The following SORCS1 variants were observed in gnomAD, a reference collection of about 807,000 sequenced individuals.
SORCS1 encodes the protein sortilin related VPS10 domain containing receptor 1.
A neutral mutation model predicts 146.1 loss-of-function variants in SORCS1; 60 were observed. The observed-to-expected ratio is 0.41, with a 90% CI of 0.33 to 0.51. The LOEUF (loss-of-function observed/expected upper bound fraction) is 0.51, where lower values mean the gene tolerates loss of function less well. Among genes scored for constraint, SORCS1 ranks in the 20% least tolerant of loss-of-function variants. The probability of loss-of-function intolerance (pLI) is 0.21; values close to 1 mark genes in which losing one functional copy is unlikely to be tolerated. For synonymous variants in SORCS1, 637 were observed against 584.0 expected, an observed-to-expected ratio of 1.09 and a Z score of -1.31; for missense variants, 1,352 against 1,487.6, an observed-to-expected ratio of 0.91 and a Z score of 1.50.
intron 1 of SORCS1, among the ~76,000 whole-genome samples, chr10:107,103,185 C>T (rs542047441): frequency 6.6e-6 from 1 of 152,278 alleles, no homozygotes; most frequent in Admixed American, 6.5e-5. Context: ...TTTATTTAAA[C>T]TTATCACAAG....
intron 1 of SORCS1, among the ~76,000 whole-genome samples, chr10:107,072,437 A>G (rs1780919766): frequency 6.6e-6 from 1 of 152,190 alleles, no homozygotes; most frequent in Non-Finnish European, 1.5e-5. Context: ...TAACCCCGCC[A>G]CCTGCACTGA....
rs140041208 is a variant in SORCS1 at position 107,059,242 on chromosome 10, T to C, written c.559-102662A>G. Among the ~76,000 whole-genome samples, 663 of 152,232 alleles carry C rather than the reference T, an allele frequency of 4.4e-3. 4 individuals carry two copies. The highest frequency in any genetic ancestry group is 0.015 in the African/African-American group (615 of 41,534). Reference sequence around the variant, plus strand: ...AACAAGGGACTTCACTCCACAGAACTAGAATGAGGCCAAAAGCAAATCCCA... The same window carrying C: ...AACAAGGGACTTCACTCCACAGAACCAGAATGAGGCCAAAAGCAAATCCCA... On this transcript the variant is annotated intron_variant, in intron 1 of 25. Transcript: ENST00000263054.
chr10:107,126,856 C>T (rs1474427385), intron 1 of SORCS1, among the ~76,000 whole-genome samples: 1 of 151,998 alleles, frequency 6.6e-6, no homozygotes, highest in East Asian at 1.9e-4. Flanking sequence ...GACAGAAAAA[C>T]GAGCCTAAAA....
intron 1 of SORCS1, among the ~76,000 whole-genome samples, chr10:107,149,009 G>A (rs778649458): frequency 6.6e-6 from 1 of 152,140 alleles, no homozygotes; most frequent in Non-Finnish European, 1.5e-5. Context: ...AAACCAGATC[G>A]GGACCTTGTA....
chr10:106,901,465 C>CT (rs1369475559), intron 2 of SORCS1, among the ~76,000 whole-genome samples: 2 of 152,146 alleles, frequency 1.3e-5, no homozygotes, highest in African/African-American at 4.8e-5. Context: ...CAGTGTCTCA[C>CT]TTTGTCACCC....
intron 3 of SORCS1, among the ~76,000 whole-genome samples, chr10:106,804,646 A>C (rs1947075541): frequency 1.3e-5 from 2 of 152,184 alleles, no homozygotes; most frequent in Admixed American, 1.3e-4. Context: ...ATGTAATCTA[A>C]TTTTGAAATA....
At chr10:107,124,086 CA>C (rs58402182) in intron 1 of SORCS1, among the ~76,000 whole-genome samples, 4,135 of 72,272 alleles carry the variant, frequency 0.057, 161 homozygotes, top group African/African-American at 0.17. Flanking sequence ...GACTTCGTCT[CA>C]AAAAAAAAAA....
chr10:107,065,490 CTCCTCTCCTCTCCTCTCCTCTCTT>C, intron 1 of SORCS1, among the ~76,000 whole-genome samples: 1 of 80,582 alleles, frequency 1.2e-5, no homozygotes, highest in Non-Finnish European at 2.4e-5. Context: ...CTCCTCTCCT[CTCCTCTCCTCTCCTCTCCTCTCTT>C]TCTTTCTTTC....
chr10:107,106,667 T>C (rs538460891), intron 1 of SORCS1, among the ~76,000 whole-genome samples: 271 of 152,286 alleles, frequency 1.8e-3, no homozygotes, highest in Non-Finnish European at 3.1e-3. Flanking sequence ...CAAATTAAAA[T>C]TATCAATCCT....
chr10:107,129,027 C>T (rs931709123), intron 1 of SORCS1, among the ~76,000 whole-genome samples: 13 of 152,202 alleles, frequency 8.5e-5, no homozygotes, highest in Admixed American at 7.9e-4. Flanking sequence ...CAACACCAGT[C>T]CCTGAGCACA....
intron 4 of SORCS1, among the ~76,000 whole-genome samples, chr10:106,766,251 G>GA (rs1470896724): frequency 6.6e-6 from 1 of 152,182 alleles, no homozygotes; most frequent in Non-Finnish European, 1.5e-5. Context: ...AAGGCTGACA[G>GA]AAAATCCTGC....
intron 6 of SORCS1, among the ~76,000 whole-genome samples, chr10:106,727,314 A>G (rs958380792): frequency 1.3e-5 from 2 of 152,146 alleles, no homozygotes; most frequent in African/African-American, 4.8e-5. Context: ...AGATCTCTCT[A>G]CATGTAGATG....
intron 2 of SORCS1, among the ~76,000 whole-genome samples, chr10:106,867,054 G>C (rs1950245314): frequency 6.6e-6 from 1 of 152,116 alleles, no homozygotes; most frequent in Admixed American, 6.6e-5. Flanking sequence ...CTTTGCTAGA[G>C]AGGCCAAAAG....
In SORCS1 at chr10:107,104,291, C is replaced by T. The variant is rs76069023; in HGVS notation, c.558+59678G>A. ...ATTCTCACCAAGTTTAATCCTCTTC[C>T]GCTGAATTTTACCTCCTCTGCTTTG... On this transcript the variant is annotated intron_variant, in intron 1 of 25. Transcript: ENST00000263054. 1.2e-4 allele frequency among the ~76,000 whole-genome samples: 19 copies of T among 152,286 alleles called. 1 individual carries two copies. The East Asian group carries it at 2.7e-3, about 22-fold the overall frequency.
chr10:106,726,901 A>ACGGTGAAAC (rs1350111313), intron 6 of SORCS1, among the ~76,000 whole-genome samples: 1 of 152,014 alleles, frequency 6.6e-6, no homozygotes, highest in East Asian at 1.9e-4. Flanking sequence ...CCTGGCTAAC[A>ACGGTGAAAC]CGGTGAAACC....
At chr10:106,726,125 T>G (rs144456385) in intron 6 of SORCS1, among the ~76,000 whole-genome samples, 107 of 150,984 alleles carry the variant, frequency 7.1e-4, no homozygotes, top group African/African-American at 2.3e-3. Context: ...CTGTTTATTT[T>G]GTTGTTGTTG....
intron 2 of SORCS1, among the ~76,000 whole-genome samples, chr10:106,836,945 C>G (rs1011509940): frequency 2.0e-5 from 3 of 152,172 alleles, no homozygotes; most frequent in Non-Finnish European, 4.4e-5. Context: ...AAGCAAAACA[C>G]AACTGGAATT....
At chr10:107,001,969 T>C (rs553186276) in intron 1 of SORCS1, among the ~76,000 whole-genome samples, 2 of 152,318 alleles carry the variant, frequency 1.3e-5, no homozygotes, top group East Asian at 1.9e-4. Context: ...TCCTTTCCTT[T>C]GGGTTCTTAC....
At chr10:106,775,012 C>T (rs557770173) in intron 4 of SORCS1, among the ~76,000 whole-genome samples, 234 of 152,340 alleles carry the variant, frequency 1.5e-3, no homozygotes, top group Non-Finnish European at 2.8e-3. Flanking sequence ...GCCCAGGCAT[C>T]CTAACTGGTC....
Sources: gnomAD v4.1 joint callset for allele counts (sites outside exome capture counted in the v4.1 genomes callset) on GRCh38, gnomAD v4.1.1 for gene constraint, MANE v1.5 for transcripts, NCBI Gene and HGNC (gene_info 2026-07-23, HGNC 2026-07-21) for gene names.